Variants in ARMH4 observed in about 807,000 individuals in gnomAD.
ARMH4 encodes the protein armadillo like helical domain containing 4, also known as armadillo-like helical domain-containing protein 4.
In ARMH4, 49 loss-of-function variants were observed where a neutral mutation model predicts 61.9. The observed-to-expected ratio is 0.79, with a 90% CI of 0.63 to 1.00. The LOEUF is 1.00. Ranked by LOEUF, ARMH4 falls within the 50% of genes least tolerant of loss-of-function variation. ARMH4 has a pLI of 0.00. For missense variants in ARMH4, 934 were observed against 930.0 expected (o/e 1.00, Z -0.06); for synonymous variants, 368 against 341.5 (o/e 1.08, Z -0.85).
chr14:58,143,197 T>C (rs1396938456), intron 1 of ARMH4, among the ~76,000 whole-genome samples: 2 of 152,180 alleles, frequency 1.3e-5, no homozygotes, highest in East Asian at 3.8e-4. Flanking sequence ...ACAGAAATCT[T>C]GAGTCCACAA....
chr14:58,095,675 G>A (rs1885724286), intron 5 of ARMH4, among the ~76,000 whole-genome samples: 1 of 152,190 alleles, frequency 6.6e-6, no homozygotes, highest in Admixed American at 6.5e-5. Flanking sequence ...CCTTCCTATA[G>A]CATATTACAC....
At chr14:58,078,914 T>C (rs534821731) in intron 5 of ARMH4, among the ~76,000 whole-genome samples, 1 of 152,362 alleles carries the variant, frequency 6.6e-6, no homozygotes, top group South Asian at 2.1e-4. Flanking sequence ...CCATGGCCAA[T>C]GTGAGATGAA....
chr14:58,099,773 C>G (rs765054221), intron 4 of ARMH4, among the ~76,000 whole-genome samples: 4 of 152,118 alleles, frequency 2.6e-5, no homozygotes, highest in Non-Finnish European at 5.9e-5. Flanking sequence ...AAGACAGAAG[C>G]AGCTGCGGGA....
At chr14:58,014,029 A>G (rs1882510572) in intron 5 of ARMH4, among the ~76,000 whole-genome samples, 1 of 24,866 alleles carries the variant, frequency 4.0e-5, no homozygotes, top group African/African-American at 1.5e-4. Flanking sequence ...ATCTCAAAAA[A>G]AAGAAAGAAA....
At chr14:58,119,414 C>G (rs1886644602) in intron 4 of ARMH4, among the ~76,000 whole-genome samples, 1 of 152,176 alleles carries the variant, frequency 6.6e-6, no homozygotes, top group Non-Finnish European at 1.5e-5. Context: ...TTACATATGT[C>G]TATCCTCATA....
intron 4 of ARMH4, among the ~76,000 whole-genome samples, chr14:58,106,530 T>C (rs1259095303): frequency 6.6e-6 from 1 of 152,240 alleles, no homozygotes; most frequent in Non-Finnish European, 1.5e-5. Context: ...AGTGTGTCCA[T>C]AGCTCAAATA....
At chr14:58,080,764 TC>T (rs796760076) in intron 5 of ARMH4, among the ~76,000 whole-genome samples, 56 of 152,202 alleles carry the variant, frequency 3.7e-4, no homozygotes, top group African/African-American at 1.3e-3. Context: ...AAGATTTTCA[TC>T]ATTAATAAAA....
chr14:58,017,682 T>C (rs933551625), intron 5 of ARMH4, among the ~76,000 whole-genome samples: 1 of 152,184 alleles, frequency 6.6e-6, no homozygotes, highest in Non-Finnish European at 1.5e-5. Context: ...AGATTAATAT[T>C]ATTTAAATGT....
intron 5 of ARMH4, among the ~76,000 whole-genome samples, chr14:58,042,647 C>T (rs1446710503): frequency 1.3e-5 from 2 of 152,084 alleles, no homozygotes; most frequent in African/African-American, 4.8e-5. Context: ...TTCAAAAAAT[C>T]AATGACTCCA....
At chr14:58,077,981 G>A (rs920729840) in intron 5 of ARMH4, among the ~76,000 whole-genome samples, 1 of 152,204 alleles carries the variant, frequency 6.6e-6, no homozygotes, top group Admixed American at 6.5e-5. Flanking sequence ...GGACAGAGAT[G>A]ATACTTTTCC....
intron 2 of ARMH4, among the ~76,000 whole-genome samples, chr14:58,136,531 G>C (rs1887306743): frequency 6.6e-6 from 1 of 152,136 alleles, no homozygotes; most frequent in Admixed American, 6.5e-5. Flanking sequence ...AAATGAATTA[G>C]ACATGTAAAA....
intron 5 of ARMH4, among the ~76,000 whole-genome samples, chr14:58,044,029 G>T (rs2141187780): frequency 6.6e-6 from 1 of 152,172 alleles, no homozygotes; most frequent in East Asian, 1.9e-4. Context: ...AGTGAAAATG[G>T]CCATACTGCC....
chr14:58,008,121 T>C (rs1882251802), intron 6 of ARMH4, among the ~76,000 whole-genome samples: 1 of 152,188 alleles, frequency 6.6e-6, no homozygotes, highest in African/African-American at 2.4e-5. Flanking sequence ...ATTATATCGA[T>C]ATTGAATATA....
intron 5 of ARMH4, among the ~76,000 whole-genome samples, chr14:58,033,927 T>C (rs1234851570): frequency 4.9e-5 from 2 of 40,648 alleles, no homozygotes. Flanking sequence ...CTACGTCTGA[T>C]TGGTGTACCT....
In ARMH4 at chr14:58,005,031, T is replaced by G. The variant is rs572543065; in HGVS notation, c.2256+17A>C. The stretch of plus-strand genomic sequence containing the variant: ...TGTTCTGAAACTGATTAGGTTTTGC[T>G]GTTGTTGGTTCCATACCTTTCTTTT... On this transcript the variant is annotated intron_variant, in intron 7 of 7. Coordinates refer to ENST00000267485, the MANE Select transcript of ARMH4 (RefSeq NM_001001872.4). 6.2e-7 allele frequency: 1 copy of G among 1,613,946 alleles called. No homozygotes were observed. Among genetic ancestry groups the G allele is most frequent in the Admixed American group, 1.7e-5 (1 of 59,990 alleles).
At chr14:58,093,337 G>T (rs1885636497) in intron 5 of ARMH4, among the ~76,000 whole-genome samples, 1 of 152,070 alleles carries the variant, frequency 6.6e-6, no homozygotes, top group South Asian at 2.1e-4. Context: ...GGGACTACAG[G>T]CACATACCAC....
At chr14:58,083,546 G>A (rs901010253) in intron 5 of ARMH4, among the ~76,000 whole-genome samples, 1 of 152,202 alleles carries the variant, frequency 6.6e-6, no homozygotes, top group Non-Finnish European at 1.5e-5. Context: ...TTGCACAGCT[G>A]CACTCCAGCC....
intron 5 of ARMH4, among the ~76,000 whole-genome samples, chr14:58,034,612 T>G (rs1883405356): frequency 1.6e-5 from 1 of 62,864 alleles, no homozygotes; most frequent in African/African-American, 6.3e-5. Context: ...GACTGGCAAG[T>G]TGGATAAAGA....
At chr14:58,054,883 A>AAATAATAATAAT (rs71448938) in intron 5 of ARMH4, among the ~76,000 whole-genome samples, 4 of 138,446 alleles carry the variant, frequency 2.9e-5, no homozygotes, top group Non-Finnish European at 6.1e-5. Flanking sequence ...AAAAAAAAAA[A>AAATAATAATAAT]AATAATAATA....
Sources: gnomAD v4.1 joint callset for allele counts (sites outside exome capture counted in the v4.1 genomes callset) on GRCh38, gnomAD v4.1.1 for gene constraint, MANE v1.5 for transcripts, NCBI Gene and HGNC (gene_info 2026-07-23, HGNC 2026-07-21) for gene names.